Variants in NAALADL2 observed in about 807,000 individuals in gnomAD.
NAALADL2 encodes the protein N-acetylated alpha-linked acidic dipeptidase like 2, also known as inactive N-acetylated-alpha-linked acidic dipeptidase-like protein 2.
A neutral mutation model predicts 87.2 loss-of-function variants in NAALADL2; 76 were observed. The observed-to-expected ratio is 0.87, with a 90% CI of 0.72 to 1.05. The LOEUF is 1.05. Among genes scored for constraint, NAALADL2 ranks in the 50% least tolerant of loss-of-function variants. NAALADL2 has a pLI of 0.00. For synonymous variants in NAALADL2, 354 were observed against 331.0 expected, an observed-to-expected ratio of 1.07 and a Z score of -0.75; for missense variants, 1,089 against 945.8, an observed-to-expected ratio of 1.15 and a Z score of -1.99.
rs188739166 is a variant in NAALADL2, at chr3:174,776,046, G to A, written c.-9+38300G>A. ...CCCACAGCAGTTTTTTGAAGCAGAA[G>A]CTGTTACTGTTTTCCTTTTATGTCA... On this transcript the variant is annotated intron_variant, in intron 3 of 3. Coordinates refer to the NAALADL2 transcript ENST00000434257. Among the ~76,000 whole-genome samples, 37 of 152,198 alleles carry A rather than the reference G, an allele frequency of 2.4e-4. No individual in the cohort carries two copies. In the South Asian group the frequency reaches 6.8e-3, roughly 28 times the overall value.
intron 1 of NAALADL2, among the ~76,000 whole-genome samples, chr3:175,013,723 T>C (rs909066327): frequency 4.6e-5 from 7 of 152,116 alleles, no homozygotes; most frequent in African/African-American, 1.7e-4. Context: ...TTTCTGACTT[T>C]CTAGTCCATC....
chr3:175,496,300 T>A (rs987338933), intron 9 of NAALADL2, among the ~76,000 whole-genome samples: 84 of 152,130 alleles, frequency 5.5e-4, no homozygotes, highest in African/African-American at 2.0e-3. Flanking sequence ...ATTTTGCTAT[T>A]GTTTGTGATT....
intron 2 of NAALADL2, among the ~76,000 whole-genome samples, chr3:174,601,839 G>C (rs1718487562): frequency 6.6e-6 from 1 of 152,058 alleles, no homozygotes; most frequent in African/African-American, 2.4e-5. Context: ...AAGAGACATG[G>C]GTCTAGTTTC....
chr3:174,964,035 G>GAA (rs35955059), intron 1 of NAALADL2, among the ~76,000 whole-genome samples: 75,145 of 150,982 alleles, frequency 0.5, 19,805 homozygotes, highest in Non-Finnish European at 0.61. Flanking sequence ...AATCTTTTGG[G>GAA]AAAAAAAACT....
intron 2 of NAALADL2, among the ~76,000 whole-genome samples, chr3:175,201,542 A>G (rs1395191325): frequency 1.3e-5 from 2 of 152,206 alleles, no homozygotes; most frequent in Non-Finnish European, 2.9e-5. Context: ...AAACAATAAG[A>G]CATTATAACT....
At chr3:175,012,445 G>A (rs1421530986) in intron 1 of NAALADL2, among the ~76,000 whole-genome samples, 1 of 152,170 alleles carries the variant, frequency 6.6e-6, no homozygotes, top group Non-Finnish European at 1.5e-5. Flanking sequence ...TGGGATTACA[G>A]GTGTGAGCCA....
chr3:174,742,056 A>T (rs1239442936), intron 3 of NAALADL2, among the ~76,000 whole-genome samples: 5 of 151,632 alleles, frequency 3.3e-5, no homozygotes, highest in African/African-American at 1.2e-4. Flanking sequence ...TCACCTTTTA[A>T]TTCAAGGTGG....
intron 9 of NAALADL2, among the ~76,000 whole-genome samples, chr3:175,566,573 G>A (rs1717175593): frequency 6.7e-6 from 1 of 150,222 alleles, no homozygotes; most frequent in African/African-American, 2.5e-5. Context: ...TATAGAATTT[G>A]TATTAATTTT....
intron 3 of NAALADL2, among the ~76,000 whole-genome samples, chr3:174,780,743 G>GTT (rs201577426): frequency 6.6e-6 from 1 of 151,762 alleles, no homozygotes; most frequent in African/African-American, 2.4e-5. Context: ...AGATAATCAT[G>GTT]TTTTTTTTGT....
At chr3:175,375,249 A>G (rs1767004825) in intron 5 of NAALADL2, among the ~76,000 whole-genome samples, 1 of 152,136 alleles carries the variant, frequency 6.6e-6, no homozygotes, top group Non-Finnish European at 1.5e-5. Flanking sequence ...CTTTCAAAAT[A>G]ATGTTAGTTC....
chr3:175,158,292 C>G (rs1191322527), intron 2 of NAALADL2, among the ~76,000 whole-genome samples: 1 of 151,962 alleles, frequency 6.6e-6, no homozygotes, highest in Admixed American at 6.6e-5. Context: ...ATTTCTATTT[C>G]AAAATAAGAC....
chr3:174,881,042 A>G (rs758399839), intron 1 of NAALADL2, among the ~76,000 whole-genome samples: 1 of 151,996 alleles, frequency 6.6e-6, no homozygotes, highest in Non-Finnish European at 1.5e-5. Flanking sequence ...TCTTTTAAGG[A>G]TACCTATTGC....
intron 3 of NAALADL2, among the ~76,000 whole-genome samples, chr3:175,250,540 C>G (rs1748874277): frequency 6.6e-6 from 1 of 152,172 alleles, no homozygotes; most frequent in Non-Finnish European, 1.5e-5. Context: ...AGTCATTACT[C>G]AACAAATTGA....
intron 5 of NAALADL2, among the ~76,000 whole-genome samples, chr3:175,385,689 T>G (rs1405874076): frequency 6.6e-6 from 1 of 152,154 alleles, no homozygotes; most frequent in African/African-American, 2.4e-5. Context: ...CCAATTACCT[T>G]GATTTGAGTA....
intron 1 of NAALADL2, among the ~76,000 whole-genome samples, chr3:174,990,988 A>G (rs567387667): frequency 6.6e-6 from 1 of 152,306 alleles, no homozygotes; most frequent in African/African-American, 2.4e-5. Flanking sequence ...TATTACAGTG[A>G]ATAAAAATAT....
rs1384854109 is a variant in NAALADL2, at chr3:175,133,297, G to A, written c.545+36006G>A. Among the ~76,000 whole-genome samples, 108 of 152,180 alleles carry A rather than the reference G, an allele frequency of 7.1e-4. 1 individual carries two copies. The highest frequency in any genetic ancestry group is 2.2e-3 in the African/African-American group (92 of 41,454). ...AGACGATGGGCGGCCAGGCAGAGAT[G>A]CTCCTCACTTCCCAGACGGGGTGGC... is the stretch of plus-strand genomic sequence containing the variant. On this transcript the variant is annotated intron_variant, in intron 2 of 13. Transcript: ENST00000454872.
At chr3:175,097,831 A>G (rs1459626394) in intron 2 of NAALADL2, among the ~76,000 whole-genome samples, 2 of 152,186 alleles carry the variant, frequency 1.3e-5, no homozygotes, top group Admixed American at 6.6e-5. Flanking sequence ...GTGAAGAACT[A>G]GATATGCAAG....
At chr3:174,767,880 G>A (rs1714047038) in intron 3 of NAALADL2, among the ~76,000 whole-genome samples, 1 of 152,186 alleles carries the variant, frequency 6.6e-6, no homozygotes, top group African/African-American at 2.4e-5. Flanking sequence ...TCCATTGAAT[G>A]CGAAGTACAA....
At chr3:174,786,776 G>A (rs551461371) in intron 3 of NAALADL2, among the ~76,000 whole-genome samples, 8 of 152,012 alleles carry the variant, frequency 5.3e-5, no homozygotes, top group Non-Finnish European at 1.0e-4. Flanking sequence ...TTAGATAAGG[G>A]TTATGCCCTG....
Sources: allele counts gnomAD v4.1 joint callset (sites outside exome capture counted in the v4.1 genomes callset), GRCh38; gene constraint gnomAD v4.1.1; transcripts MANE v1.5; gene names NCBI Gene and HGNC (gene_info 2026-07-23, HGNC 2026-07-21).